MINDY3: variants seen among roughly 807,000 people sequenced by gnomAD.
MINDY3 encodes MINDY lysine 48 deubiquitinase 3, also known as ubiquitin carboxyl-terminal hydrolase MINDY-3.
Under a neutral mutation model 69.2 loss-of-function variants are expected in MINDY3, and 38 were observed. That is an observed-to-expected ratio of 0.55 (90% CI 0.42 to 0.72). The LOEUF is 0.72. MINDY3 is among the 30% of genes least tolerant of loss of function. The pLI is 0.00. For missense variants in MINDY3, 522 were observed against 519.0 expected, an observed-to-expected ratio of 1.01 and a Z score of -0.06; for synonymous variants, 192 against 180.1, an observed-to-expected ratio of 1.07 and a Z score of -0.53.
At chr10:15,795,532 A>C (rs1456065646) in intron 11 of MINDY3, among the ~76,000 whole-genome samples, 1 of 152,088 alleles carries the variant, frequency 6.6e-6, no homozygotes, top group Non-Finnish European at 1.5e-5. Flanking sequence ...TGAGTTAGCT[A>C]TAATAAAGTC....
At chr10:15,802,664 T>C (rs1265365576) in intron 10 of MINDY3, among the ~76,000 whole-genome samples, 2 of 152,278 alleles carry the variant, frequency 1.3e-5, no homozygotes, top group African/African-American at 4.8e-5. Flanking sequence ...TGTGGGGAAA[T>C]GATAACAAAC....
intron 13 of MINDY3, among the ~76,000 whole-genome samples, chr10:15,784,913 T>C (rs372526674): frequency 1.3e-5 from 2 of 152,064 alleles, no homozygotes; most frequent in African/African-American, 4.8e-5. Context: ...CGAGGGCGTC[T>C]GAGCTGCTAT....
intron 10 of MINDY3, among the ~76,000 whole-genome samples, chr10:15,796,824 C>T (rs2131885611): frequency 6.6e-6 from 1 of 152,126 alleles, no homozygotes; most frequent in Non-Finnish European, 1.5e-5. Flanking sequence ...ATTCTAAGCA[C>T]AAAAATTGTG....
intron 8 of MINDY3, among the ~76,000 whole-genome samples, chr10:15,824,137 GTAGA>G (rs1839941121): frequency 6.6e-6 from 1 of 152,142 alleles, no homozygotes; most frequent in Non-Finnish European, 1.5e-5. Flanking sequence ...TTGTCTTTGG[GTAGA>G]TACTGAGTAG....
intron 11 of MINDY3, among the ~76,000 whole-genome samples, chr10:15,791,711 T>C (rs1170333663): frequency 2.0e-5 from 3 of 151,968 alleles, no homozygotes; most frequent in African/African-American, 7.3e-5. Context: ...TCCTTAGAGA[T>C]TGTGGGGAGG....
At chr10:15,839,066 G>C (rs777606461) in intron 4 of MINDY3, among the ~76,000 whole-genome samples, 1 of 151,602 alleles carries the variant, frequency 6.6e-6, no homozygotes, top group Non-Finnish European at 1.5e-5. Context: ...TGGCTCCAGG[G>C]AGTTATTTAT....
intron 10 of MINDY3, among the ~76,000 whole-genome samples, chr10:15,796,990 G>A (rs1161747389): frequency 6.6e-6 from 1 of 152,018 alleles, no homozygotes; most frequent in South Asian, 2.1e-4. Flanking sequence ...TCAGACAAAC[G>A]TCATCAGAGG....
At chr10:15,797,350 G>C (rs1588532032) in intron 10 of MINDY3, among the ~76,000 whole-genome samples, 1 of 152,076 alleles carries the variant, frequency 6.6e-6, no homozygotes, top group African/African-American at 2.4e-5. Flanking sequence ...GTAAAATTTT[G>C]TAATGCACAG....
intron 14 of MINDY3, among the ~76,000 whole-genome samples, chr10:15,781,409 A>T (rs1249548153): frequency 6.7e-6 from 1 of 148,786 alleles, no homozygotes; most frequent in African/African-American, 2.4e-5. Context: ...TATTATATAT[A>T]TATATATATA....
At chr10:15,784,624 C>G (rs148379819) in intron 13 of MINDY3, among the ~76,000 whole-genome samples, 225 of 152,238 alleles carry the variant, frequency 1.5e-3, no homozygotes, top group African/African-American at 2.7e-3. Flanking sequence ...GTAGTCCCAG[C>G]TACACAGGAG....
At chr10:15,837,128 A>C in intron 6 of MINDY3, 76 bp downstream of exon 6, 2 of 738,046 alleles carry the variant, frequency 2.7e-6, no homozygotes, top group Non-Finnish European at 4.5e-6. Flanking sequence ...TCAGGAATAA[A>C]ATTACTCATC....
chr10:15,854,666 T>C (rs969500654), intron 1 of MINDY3, among the ~76,000 whole-genome samples: 5 of 152,006 alleles, frequency 3.3e-5, no homozygotes, highest in Admixed American at 3.3e-4. Flanking sequence ...AAAGTGTTAA[T>C]TCCAAAAAAC....
intron 4 of MINDY3, among the ~76,000 whole-genome samples, chr10:15,840,088 A>G (rs1219048093): frequency 6.6e-6 from 1 of 151,692 alleles, no homozygotes; most frequent in Non-Finnish European, 1.5e-5. Flanking sequence ...TCACATCAAT[A>G]TACAGACTGG....
chr10:15,794,348 GAAA>G, intron 11 of MINDY3, among the ~76,000 whole-genome samples: 1 of 151,720 alleles, frequency 6.6e-6, no homozygotes, highest in African/African-American at 2.4e-5. Context: ...TAAGTGAAAA[GAAA>G]AAAAACTGAA....
intron 1 of MINDY3, among the ~76,000 whole-genome samples, chr10:15,855,934 A>T (rs1344903178): frequency 1.3e-5 from 2 of 152,174 alleles, no homozygotes; most frequent in Non-Finnish European, 2.9e-5. Flanking sequence ...ATAATAAAAC[A>T]AATTATATAT....
rs10719399 is a variant in MINDY3, at chr10:15,848,633, C to CAAAAAAAAAAAAAAAAAAAA, written c.95-710_95-691dup. Among the ~76,000 whole-genome samples the CAAAAAAAAAAAAAAAAAAAA allele has an allele frequency of 3.9e-4, 19 of 48,800 alleles. 1 individual carries two copies. The highest frequency in any genetic ancestry group is 2.0e-3 in the African/African-American group (14 of 7,160). The allele number at this position is 48,800 out of a possible 152,430, so 32.0% of individuals were successfully genotyped here. A position where few individuals can be genotyped will look rare whatever the true frequency, so the allele number is the denominator to read the frequency against. ...TGGGCCACAGAGCTAGACTTCATCT[C>CAAAAAAAAAAAAAAAAAAAA]AAAAAAAAAAAAAAAAAAAAAAAAA... is the stretch of plus-strand genomic sequence containing the variant. On this transcript the variant is annotated intron_variant, in intron 1 of 14. Transcript: ENST00000277632.
chr10:15,844,165 T>C (rs1833673328), intron 2 of MINDY3, among the ~76,000 whole-genome samples: 1 of 152,186 alleles, frequency 6.6e-6, no homozygotes, highest in Non-Finnish European at 1.5e-5. Context: ...TGTAATGCAC[T>C]TAGCACAGTA....
intron 8 of MINDY3, among the ~76,000 whole-genome samples, chr10:15,822,645 T>C (rs1839848168): frequency 6.6e-6 from 1 of 152,170 alleles, no homozygotes; most frequent in Non-Finnish European, 1.5e-5. Context: ...AGTTTGGTTT[T>C]AGCTAAGCTG....
rs1183807273 is a variant in MINDY3 at position 15,833,547 on chromosome 10, A to AT, written c.730+82dup. The AT allele has an allele frequency of 3.3e-6, 3 of 918,172 alleles. No individual in the cohort carries two copies. In the Admixed American group the frequency reaches 5.7e-5, roughly 17 times the overall value. 56.9% of individuals were successfully genotyped at this position (918,172 alleles called of 1,614,324 possible). Reference sequence around the variant, plus strand: ...CTTAACCTCTAGGTAATGTAGAGCCATTAAATAGACGAATAATAATCAGCT... The same window carrying AT: ...CTTAACCTCTAGGTAATGTAGAGCCATTTAAATAGACGAATAATAATCAGCT... On this transcript the variant is annotated intron_variant, in intron 8 of 14. Coordinates refer to ENST00000277632, the MANE Select transcript of MINDY3 (RefSeq NM_024948.4).
Sources: gnomAD v4.1 joint callset for allele counts (sites outside exome capture counted in the v4.1 genomes callset) on GRCh38, gnomAD v4.1.1 for gene constraint, MANE v1.5 for transcripts, NCBI Gene and HGNC (gene_info 2026-07-23, HGNC 2026-07-21) for gene names.